Variants in CNOT6L observed in about 807,000 individuals in gnomAD.
CNOT6L encodes CCR4-NOT transcription complex subunit 6 like, also known as CCR4-NOT transcription complex subunit 6-like.
A neutral mutation model predicts 64.0 loss-of-function variants in CNOT6L; 7 were observed. That is an observed-to-expected ratio of 0.11 (90% CI 0.06 to 0.21). CNOT6L has a LOEUF of 0.21. Ranked by LOEUF, CNOT6L falls within the 10% of genes least tolerant of loss-of-function variation. The pLI, the probability that CNOT6L is intolerant of heterozygous loss-of-function variation, is 1.00. For synonymous variants in CNOT6L, 193 were observed against 243.4 expected, an observed-to-expected ratio of 0.79 and a Z score of 1.93; for missense variants, 245 against 669.0, an observed-to-expected ratio of 0.37 and a Z score of 6.99.
chr4:77,801,084 T>C (rs1731485550), intron 1 of CNOT6L, among the ~76,000 whole-genome samples: 2 of 152,168 alleles, frequency 1.3e-5, no homozygotes, highest in Non-Finnish European at 1.5e-5. Context: ...CCTAAAATAG[T>C]TGATTAGAAG....
chr4:77,811,840 C>T (rs1402392834), intron 1 of CNOT6L, among the ~76,000 whole-genome samples: 2 of 150,012 alleles, frequency 1.3e-5, no homozygotes, highest in Non-Finnish European at 3.0e-5. Flanking sequence ...ACACTGCCTG[C>T]CTATGGGCTA....
chr4:77,786,687 G>A (rs1042024211), intron 1 of CNOT6L, among the ~76,000 whole-genome samples: 7 of 151,828 alleles, frequency 4.6e-5, no homozygotes, highest in Non-Finnish European at 8.8e-5. Flanking sequence ...ACATTCCCCA[G>A]GCTGGTCTTG....
In CNOT6L at chr4:77,713,547, A is replaced by G. The variant is rs1675784475; in HGVS notation, c.*6884T>C. 2 of 152,610 alleles carry G rather than the reference A, an allele frequency of 1.3e-5. No individual in the cohort carries two copies. The highest frequency in any genetic ancestry group is 2.9e-5 in the Non-Finnish European group (2 of 68,020). The allele number at this position is 152,610 out of a possible 1,614,324, so 9.5% of individuals were successfully genotyped here. On this transcript the variant is annotated 3_prime_UTR_variant, in exon 12 of 12. Transcript: ENST00000504123. ...GGAAAAAAATATTTTGTTATCTGAC[A>G]TAGTAGTTAAGGTTCTTAAGCACCT...
intron 4 of CNOT6L, among the ~76,000 whole-genome samples, chr4:77,761,423 A>G (rs1262768131): frequency 6.6e-6 from 1 of 152,230 alleles, no homozygotes; most frequent in African/African-American, 2.4e-5. Context: ...TTCCATAAAG[A>G]AAATTCCAAG....
intron 1 of CNOT6L, among the ~76,000 whole-genome samples, chr4:77,803,867 C>T (rs1315153912): frequency 6.6e-6 from 1 of 151,820 alleles, no homozygotes; most frequent in East Asian, 1.9e-4. Context: ...CATGCTATTG[C>T]ACTCCAGCCT....
chr4:77,721,649 A>G (rs939375967), intron 11 of CNOT6L, among the ~76,000 whole-genome samples: 1 of 152,158 alleles, frequency 6.6e-6, no homozygotes, highest in African/African-American at 2.4e-5. Context: ...CATTTGACCA[A>G]TATCAAAACA....
chr4:77,718,234 A>G lies in CNOT6L; in HGVS notation c.*2197T>C, dbSNP rs1010422868. On this transcript the variant is annotated 3_prime_UTR_variant, in exon 12 of 12. Coordinates refer to ENST00000504123, the MANE Select transcript of CNOT6L (RefSeq NM_144571.3). ...ATTAACATGCGTATATGAAAGGAGGAAAATGTTTTGTTAGTGCATATACCT... is the reference window on the plus strand; with the variant it reads ...ATTAACATGCGTATATGAAAGGAGGGAAATGTTTTGTTAGTGCATATACCT... 1.3e-5 allele frequency: 2 copies of G among 152,582 alleles called. No homozygotes were observed. Among genetic ancestry groups the G allele is most frequent in the African/African-American group, 4.8e-5 (2 of 41,440 alleles). The allele number at this position is 152,582 out of a possible 1,614,324, so 9.5% of individuals were successfully genotyped here.
chr4:77,804,495 A>T (rs967578803), intron 1 of CNOT6L, among the ~76,000 whole-genome samples: 3 of 152,182 alleles, frequency 2.0e-5, no homozygotes, highest in African/African-American at 7.2e-5. Context: ...ATATTATGCT[A>T]AGTGAAAAAA....
At chr4:77,811,874 T>TAAAAAAAAAAAAA (rs34864447) in intron 1 of CNOT6L, among the ~76,000 whole-genome samples, 1 of 140,924 alleles carries the variant, frequency 7.1e-6, no homozygotes. Context: ...AGGAGCAGTT[T>TAAAAAAAAAAAAA]AAAAAAAAAA....
intron 1 of CNOT6L, among the ~76,000 whole-genome samples, chr4:77,814,281 C>A (rs1223187706): frequency 6.6e-6 from 1 of 151,996 alleles, no homozygotes; most frequent in Non-Finnish European, 1.5e-5. Context: ...TGAAAATGTT[C>A]TAAAATTAAC....
At position 77,713,440 on chromosome 4, in the gene CNOT6L, GA is replaced by G. The variant is rs1423737340; in HGVS notation, c.*6990del. ...TACAGGGGAAGGAAAGGGAGGGAGA[GA>G]GGGGAAGTACACAGGTGCAAGGAAA... On this transcript the variant is annotated 3_prime_UTR_variant, in exon 12 of 12. Coordinates refer to ENST00000504123, the MANE Select transcript of CNOT6L (RefSeq NM_144571.3). 1 of 152,540 alleles carries G rather than the reference GA, an allele frequency of 6.6e-6. No homozygotes were observed. Among genetic ancestry groups the G allele is most frequent in the African/African-American group, 2.4e-5 (1 of 41,434 alleles). The allele number at this position is 152,540 out of a possible 1,614,324, so 9.4% of individuals were successfully genotyped here.
chr4:77,757,664 A>C (rs1329709600), intron 4 of CNOT6L, among the ~76,000 whole-genome samples: 2 of 152,224 alleles, frequency 1.3e-5, no homozygotes, highest in Non-Finnish European at 2.9e-5. Context: ...TTAAATAACA[A>C]ATCAACCAAA....
At chr4:77,792,510 G>T (rs1730281168) in intron 1 of CNOT6L, among the ~76,000 whole-genome samples, 1 of 152,206 alleles carries the variant, frequency 6.6e-6, no homozygotes, top group South Asian at 2.1e-4. Context: ...CAGATGACCT[G>T]AGGTCAGGAG....
chr4:77,784,500 A>AT (rs71214369), intron 1 of CNOT6L, among the ~76,000 whole-genome samples: 61,735 of 144,596 alleles, frequency 0.43, 13,205 homozygotes, highest in Middle Eastern at 0.49. Flanking sequence ...AATATAATCT[A>AT]TTTTTTTTTT....
chr4:77,807,335 A>G (rs998173836), intron 1 of CNOT6L, among the ~76,000 whole-genome samples: 2 of 151,700 alleles, frequency 1.3e-5, no homozygotes, highest in African/African-American at 4.9e-5. Context: ...TGTTGAGCTC[A>G]GGAATGCAAG....
intron 10 of CNOT6L, 134 bp from the exon 11 acceptor site, chr4:77,726,503 T>C: frequency 1.8e-6 from 1 of 570,512 alleles, no homozygotes. Context: ...AAAACTGCCT[T>C]TTGTTGTTGT....
At chr4:77,759,186 T>C (rs1292427568) in intron 4 of CNOT6L, among the ~76,000 whole-genome samples, 1 of 151,742 alleles carries the variant, frequency 6.6e-6, no homozygotes, top group Non-Finnish European at 1.5e-5. Flanking sequence ...AGATGCACAA[T>C]ATATACAAAG....
intron 5 of CNOT6L, among the ~76,000 whole-genome samples, chr4:77,749,483 C>T (rs1473120399): frequency 6.6e-6 from 1 of 152,144 alleles, no homozygotes; most frequent in South Asian, 2.1e-4. Context: ...CCTTAATTAG[C>T]AAAATCTACC....
At position 77,718,999 on chromosome 4, in the gene CNOT6L, T is replaced by C. The variant is rs1274111790; in HGVS notation, c.*1432A>G. On this transcript the variant is annotated 3_prime_UTR_variant, in exon 12 of 12. Transcript: ENST00000504123. Reference sequence around the variant, plus strand: ...TTGAGACTAGAAACAGTAAAGTGCATGAAAAGTTTAAAATATAAATTTCAG... The same window carrying C: ...TTGAGACTAGAAACAGTAAAGTGCACGAAAAGTTTAAAATATAAATTTCAG... 1 of 152,466 alleles carries C rather than the reference T, an allele frequency of 6.6e-6. No homozygotes were observed. Among genetic ancestry groups the C allele is most frequent in the Non-Finnish European group, 1.5e-5 (1 of 68,002 alleles). The allele number at this position is 152,466 out of a possible 1,614,324, so 9.4% of individuals were successfully genotyped here.
Sources: gnomAD v4.1 joint callset for allele counts (sites outside exome capture counted in the v4.1 genomes callset) on GRCh38, gnomAD v4.1.1 for gene constraint, MANE v1.5 for transcripts, NCBI Gene and HGNC (gene_info 2026-07-23, HGNC 2026-07-21) for gene names.